ACSM2B: variants seen among roughly 807,000 people sequenced by gnomAD.
ACSM2B encodes acyl-coenzyme A synthetase ACSM2B, mitochondrial.
ACSM2B carries 58 observed loss-of-function variants against 78.6 expected under a neutral mutation model. The observed-to-expected ratio is 0.74, with a 90% CI of 0.60 to 0.92. The LOEUF (loss-of-function observed/expected upper bound fraction) is 0.92, where lower values mean the gene tolerates loss of function less well. Among genes scored for constraint, ACSM2B ranks in the 40% least tolerant of loss-of-function variants. The pLI is 0.00. For synonymous variants in ACSM2B, 257 were observed against 256.8 expected, an observed-to-expected ratio of 1.00 and a Z score of -0.01; for missense variants, 688 against 711.2, an observed-to-expected ratio of 0.97 and a Z score of 0.37.
intron 10 of ACSM2B, among the ~76,000 whole-genome samples, chr16:20,544,073 C>T (rs949807985): frequency 1.4e-4 from 22 of 152,164 alleles, no homozygotes; most frequent in South Asian, 6.2e-4. Flanking sequence ...GCCCCACAGA[C>T]GCTTCTGAGT....
chr16:20,536,394 A>G lies in ACSM2B; in HGVS notation c.*864T>C, dbSNP rs1168636830. ...CTATGATCTAAGGTCTGTAGATGCC[A>G]CACACAGGTGAAACAATGTGGTATT... On this transcript the variant is annotated 3_prime_UTR_variant, in exon 14 of 14. Coordinates refer to ENST00000329697, the MANE Select transcript of ACSM2B (RefSeq NM_001105069.2). 2.0e-5 allele frequency: 3 copies of G among 152,166 alleles called. No individual in the cohort carries two copies. 9.4% of individuals were successfully genotyped at this position (152,166 alleles called of 1,614,324 possible). A position where few individuals can be genotyped will look rare whatever the true frequency, so the allele number is the denominator to read the frequency against.
intron 6 of ACSM2B, among the ~76,000 whole-genome samples, chr16:20,549,406 G>A (rs2015237182): frequency 6.6e-6 from 1 of 152,044 alleles, no homozygotes; most frequent in Non-Finnish European, 1.5e-5. Context: ...AGGAGGTTCG[G>A]GGCATCACAT....
intron 13 of ACSM2B, among the ~76,000 whole-genome samples, chr16:20,539,784 G>C (rs1242491235): frequency 6.6e-6 from 1 of 151,290 alleles, no homozygotes; most frequent in Admixed American, 6.6e-5. Context: ...TTTTCTACTG[G>C]AGTTTTCTAA....
At chr16:20,574,949 A>C (rs56690121) in intron 1 of ACSM2B, among the ~76,000 whole-genome samples, 1 of 137,572 alleles carries the variant, frequency 7.3e-6, no homozygotes, top group Non-Finnish European at 1.5e-5. Flanking sequence ...TATGTTCCTT[A>C]GTTCTCCACA....
In ACSM2B at chr16:20,548,434, G is replaced by C. The variant is rs754792708; in HGVS notation, c.934C>G (p.Pro312Ala). The change falls in exon 7 of 14, where the codon CCT becomes GCT. Residue 312 changes from proline to alanine, a missense_variant. Coordinates refer to ENST00000329697, the MANE Select transcript of ACSM2B (RefSeq NM_001105069.2). ...TGTAGCAACATCCGGTAAACAATAG[G>C]GGCACCCATCATACTCTTGATTGGA... is the stretch of plus-strand genomic sequence containing the variant. The part of the protein sequence containing the change: ...SYPIKSMMGA[P>A]IVYRMLLQQD... 1.2e-6 allele frequency: 2 copies of C among 1,613,572 alleles called. No homozygotes were observed. The highest frequency in any genetic ancestry group is 2.2e-5 in the South Asian group (2 of 91,048).
Position 20,555,480 on chromosome 16 carries a change from A to G in ACSM2B, c.389-4T>C. On this transcript the variant is annotated splice_region_variant and splice_polypyrimidine_tract_variant and intron_variant, in intron 3 of 13. Coordinates refer to ENST00000329697, the MANE Select transcript of ACSM2B (RefSeq NM_001105069.2). ...GTTCCAGGCATAAAGATGAGACCTA[A>G]AGAAGCCAACAATTTAGAGAATTGG... 1 of 1,611,738 alleles carries G rather than the reference A, an allele frequency of 6.2e-7. No homozygotes were observed. Among genetic ancestry groups the G allele is most frequent in the Non-Finnish European group, 8.5e-7 (1 of 1,178,296 alleles).
rs553877067 is a variant in ACSM2B at position 20,557,524 on chromosome 16, A to G, written c.388+1713T>C. 9.2e-5 allele frequency among the ~76,000 whole-genome samples: 14 copies of G among 152,300 alleles called. 1 individual carries two copies. In the South Asian group the frequency reaches 2.9e-3, roughly 32 times the overall value. ...TTCCAACTCCACTATTGCCTTCCTC[A>G]TCCCATTCCCTATTGAGCATCCAAT... On this transcript the variant is annotated intron_variant, in intron 3 of 13. Transcript: ENST00000329697.
rs372194030 is a variant in ACSM2B, at chr16:20,552,200, C to T, written c.838G>A (p.Gly280Arg). Residue 280 changes from glycine to arginine, a missense_variant, in exon 6 of 14, where the codon GGA becomes AGA. Physicochemically the swap from Gly to Arg is moderately radical, Grantham distance 125 (BLOSUM62 -2). Transcript: ENST00000329697. ...AAGAGATGAACAAATGTGCATGCTC[C>T]TAATGTCCAAGATTCCAAAAGTGAG... is the stretch of plus-strand genomic sequence containing the variant. ...LGSLLESWTL[G>R]ACTFVHLLPK... 3.3e-5 allele frequency: 54 copies of T among 1,613,738 alleles called. No individual in the cohort carries two copies. Among genetic ancestry groups the T allele is most frequent in the African/African-American group, 6.7e-5 (5 of 74,888 alleles).
At chr16:20,575,621 T>G (rs1253293925) in intron 1 of ACSM2B, 1 of 150,620 alleles carries the variant, frequency 6.6e-6, no homozygotes, top group Non-Finnish European at 1.5e-5. Context: ...CATGCTGGAT[T>G]AGGTGGTGCC....
chr16:20,546,291 C>A, intron 9 of ACSM2B, 103 bp downstream of exon 9: 1 of 1,473,676 alleles, frequency 6.8e-7, no homozygotes, highest in Middle Eastern at 1.8e-4. Flanking sequence ...ATCTTAATAT[C>A]AGTACTTTCT....
intron 2 of ACSM2B, among the ~76,000 whole-genome samples, chr16:20,560,728 A>G (rs550391139): frequency 6.6e-6 from 1 of 152,208 alleles, no homozygotes; most frequent in South Asian, 2.1e-4. Flanking sequence ...ATGGGAAGAA[A>G]TTGAAGAGTT....
chr16:20,553,609 G>A (rs1243477934), intron 5 of ACSM2B, among the ~76,000 whole-genome samples, 168 bp downstream of exon 5: 1 of 152,176 alleles, frequency 6.6e-6, no homozygotes, highest in East Asian at 1.9e-4. Flanking sequence ...CCCATTGAAG[G>A]TACTTGATAC....
At chr16:20,555,574 A>C in intron 3 of ACSM2B, 98 bp from the exon 4 acceptor site, 1 of 1,565,000 alleles carries the variant, frequency 6.4e-7, no homozygotes, top group African/African-American at 1.4e-5. Flanking sequence ...GTGGGGAAGG[A>C]GAGGATGGGG....
At chr16:20,558,795 G>T (rs1453123596) in intron 3 of ACSM2B, among the ~76,000 whole-genome samples, 2 of 152,206 alleles carry the variant, frequency 1.3e-5, no homozygotes, top group African/African-American at 4.8e-5. Context: ...CAGTGCAAAT[G>T]CAGCCACATA....
At chr16:20,566,963 A>T (rs1334029351) in intron 1 of ACSM2B, among the ~76,000 whole-genome samples, 5 of 132,224 alleles carry the variant, frequency 3.8e-5, no homozygotes, top group Non-Finnish European at 7.9e-5. Context: ...TATATATTAT[A>T]TATTATATAT....
At chr16:20,548,495 A>G in intron 6 of ACSM2B, 22 bp from the exon 7 acceptor site, 1 of 1,613,512 alleles carries the variant, frequency 6.2e-7, no homozygotes, top group South Asian at 1.1e-5. Context: ...GAGCCAGGTG[A>G]GACATTGGTC....
chr16:20,557,163 C>T (rs1342565767), intron 3 of ACSM2B, among the ~76,000 whole-genome samples: 3 of 152,044 alleles, frequency 2.0e-5, no homozygotes, highest in Admixed American at 6.6e-5. Context: ...TGATGATTCT[C>T]AAATTTCTGT....
chr16:20,543,094 A>G, intron 11 of ACSM2B, 41 bp downstream of exon 11: 1 of 1,613,668 alleles, frequency 6.2e-7, no homozygotes, highest in Non-Finnish European at 8.5e-7. Context: ...AGCCAGAGTA[A>G]AGACCCAGAT....
intron 3 of ACSM2B, among the ~76,000 whole-genome samples, chr16:20,557,194 C>A (rs67888181): frequency 0.2 from 29,940 of 151,892 alleles, 3,700 homozygotes; most frequent in East Asian, 0.69. Context: ...AATTTTAGAG[C>A]CTTAAATCCA....
Sources: gnomAD v4.1 joint callset for allele counts (sites outside exome capture counted in the v4.1 genomes callset) on GRCh38, gnomAD v4.1.1 for gene constraint, MANE v1.5 for transcripts, NCBI Gene and HGNC (gene_info 2026-07-23, HGNC 2026-07-21) for gene names.